RGL2: variants seen among roughly 807,000 people sequenced by gnomAD.
The protein encoded by RGL2 is ral guanine nucleotide dissociation stimulator-like 2.
In RGL2, 40 loss-of-function variants were observed where a neutral mutation model predicts 84.6. That is an observed-to-expected ratio of 0.47 (90% CI 0.37 to 0.62). The LOEUF is 0.62. Among genes scored for constraint, RGL2 ranks in the 20% least tolerant of loss-of-function variants. The pLI is 0.00. For missense variants in RGL2, 865 were observed against 1,019.7 expected (o/e 0.85, Z 2.07); for synonymous variants, 369 against 417.3 (o/e 0.88, Z 1.41).
In RGL2 at chr6:33,294,143, AAC is replaced by A; in HGVS notation, c.1354-79_1354-78del. ...CAGAGAGAGAATATCCCCTCTCTTA[AAC>A]ACACACAGCCACATCCAACTCACAA... On this transcript the variant is annotated intron_variant, in intron 11 of 17. Coordinates refer to ENST00000497454, the MANE Select transcript of RGL2 (RefSeq NM_004761.5). This position sits in a 1 kb window ranked among gnomAD's most constrained non-coding sequence, Gnocchi z 5.0. The A allele has an allele frequency of 6.6e-7, 1 of 1,524,922 alleles. No individual in the cohort carries two copies. The highest frequency in any genetic ancestry group is 1.4e-5 in the African/African-American group (1 of 72,970). 94.5% of individuals were successfully genotyped at this position (1,524,922 alleles called of 1,614,324 possible). A position where few individuals can be genotyped will look rare whatever the true frequency, so the allele number is the denominator to read the frequency against.
rs778343192 is a variant in RGL2, at chr6:33,296,469, G to A, written c.420-5C>T. On this transcript the variant is annotated splice_region_variant and splice_polypyrimidine_tract_variant and intron_variant, in intron 4 of 17. Coordinates refer to ENST00000497454, the MANE Select transcript of RGL2 (RefSeq NM_004761.5). The surrounding 1 kb of genome is among the most constrained non-coding windows in gnomAD (Gnocchi z 5.0). ...TGAGATTCAAGGGCTTCCAGCCTGA[G>A]GGGGAGAAGAGGATCTATCTGTCCA... is the stretch of plus-strand genomic sequence containing the variant. 2.5e-6 allele frequency: 4 copies of A among 1,605,634 alleles called. No individual in the cohort carries two copies. Among genetic ancestry groups the A allele is most frequent in the Admixed American group, 3.4e-5 (2 of 58,630 alleles).
rs1768266640 is a variant in RGL2, at chr6:33,298,702, G to T, written c.-41-51C>A. 1.2e-6 allele frequency: 1 copy of T among 846,614 alleles called. No homozygotes were observed. 52.4% of individuals were successfully genotyped at this position (846,614 alleles called of 1,614,324 possible). A position where few individuals can be genotyped will look rare whatever the true frequency, so the allele number is the denominator to read the frequency against. ...GGTGGAGAGTCAGGCAGGCGCGGGG[G>T]AACCGGGCAGGGAAGGGACGTGGGT... On this transcript the variant is annotated intron_variant, in intron 1 of 17. Transcript: ENST00000497454. The surrounding 1 kb of genome is among the most constrained non-coding windows in gnomAD (Gnocchi z 4.8).
rs753799037 is a variant in RGL2 at position 33,293,381 on chromosome 6, G to A, written c.1716+32C>T. On this transcript the variant is annotated intron_variant, in intron 15 of 17. Transcript: ENST00000497454. This position sits in a 1 kb window ranked among gnomAD's most constrained non-coding sequence, Gnocchi z 7.0. ...AGAAACATTTACAGAGTGAGGGTCAGCGTCAAGGTCAGAGTCAGGAGCAGA... is the reference window on the plus strand; with the variant it reads ...AGAAACATTTACAGAGTGAGGGTCAACGTCAAGGTCAGAGTCAGGAGCAGA... 6.2e-7 allele frequency: 1 copy of A among 1,603,938 alleles called. No individual in the cohort carries two copies. Among genetic ancestry groups the A allele is most frequent in the Non-Finnish European group, 8.5e-7 (1 of 1,175,958 alleles).
rs989579915 is a variant in RGL2 at position 33,297,067 on chromosome 6, C to G, written c.205G>C (p.Val69Leu). ...DEEEDGAVFT[V>L]TSRQYRPLDP... ...AGAGGTCGATATTGGCGGCTTGTGACGGTAAACACGGCACCATCCTCCTCC... is the reference window on the plus strand; with the variant it reads ...AGAGGTCGATATTGGCGGCTTGTGAGGGTAAACACGGCACCATCCTCCTCC... Residue 69 changes from valine to leucine, a missense_variant, in exon 3 of 18, where the codon GTC becomes CTC. By Grantham distance (32) the Val-to-Leu change is conservative. Coordinates refer to ENST00000497454, the MANE Select transcript of RGL2 (RefSeq NM_004761.5). This position sits in a 1 kb window ranked among gnomAD's most constrained non-coding sequence, Gnocchi z 4.0. The G allele has an allele frequency of 2.5e-6, 4 of 1,574,566 alleles. No homozygotes were observed. In the African/African-American group the frequency reaches 5.4e-5, roughly 21 times the overall value.
Position 33,296,214 on chromosome 6 carries a change from A to C in RGL2, c.582T>G (p.Tyr194Ter). Residue 194 changes from tyrosine to a stop codon, truncating the protein, a stop_gained, in exon 6 of 18, where the codon TAT becomes TAG. Transcript: ENST00000497454. LOFTEE classifies it high-confidence loss of function. The surrounding 1 kb of genome is among the most constrained non-coding windows in gnomAD (Gnocchi z 5.0). ...CCCCCCCAACACCCTTCCCTGCTGC[A>C]TACCCTGTCTGAAGTAAGAAGCTCT... is the stretch of plus-strand genomic sequence containing the variant. ...RLESFLLQTG[Y>*]AAGKGVGGGS... 6.2e-7 allele frequency: 1 copy of C among 1,613,952 alleles called. No individual in the cohort carries two copies. The highest frequency in any genetic ancestry group is 1.3e-5 in the African/African-American group (1 of 75,048).
In RGL2 at chr6:33,296,842, A is replaced by G. The variant is rs1036971665; in HGVS notation, c.241-66T>C. The G allele has an allele frequency of 1.9e-6, 3 of 1,596,150 alleles. No homozygotes were observed. The highest frequency in any genetic ancestry group is 2.2e-5 in the East Asian group (1 of 44,800). On this transcript the variant is annotated intron_variant, in intron 3 of 17. Transcript: ENST00000497454. The surrounding 1 kb of genome is among the most constrained non-coding windows in gnomAD (Gnocchi z 5.0). ...CTCTGCACCTAGATTTCTGAGGACA[A>G]TCCCAGACCCAGGAGATGTTCCAGA...
chr6:33,296,424 T>C lies in RGL2; in HGVS notation c.460A>G (p.Arg154Gly). ...LESHPTDELE[R>G]TTEVAISVLS... is the part of the protein sequence containing the mutation. Reference sequence around the variant, plus strand: ...CCAGGGGTCACTCACTCTGTTGTCCTCTCTAGTTCGTCGGTAGGATGAGAT... The same window carrying C: ...CCAGGGGTCACTCACTCTGTTGTCCCCTCTAGTTCGTCGGTAGGATGAGAT... The change falls in exon 5 of 18, where the codon AGG (arginine) becomes GGG (glycine). Residue 154 changes from arginine (R) to glycine (G), a missense_variant. Physicochemically the swap from Arg to Gly is moderately radical, Grantham distance 125 (BLOSUM62 -2). This residue lies in a region of RGL2 where 455 missense variants were observed against 507.8 expected (regional missense o/e 0.90). Transcript: ENST00000497454. This position sits in a 1 kb window ranked among gnomAD's most constrained non-coding sequence, Gnocchi z 5.0. 6.2e-7 allele frequency: 1 copy of C among 1,611,344 alleles called. No individual in the cohort carries two copies. Among genetic ancestry groups the C allele is most frequent in the Non-Finnish European group, 8.5e-7 (1 of 1,178,528 alleles).
Position 33,295,087 on chromosome 6 carries a change from G to C in RGL2, c.1209+40C>G. ...AAAAGAGACATGGGGGAGCAGTAGG[G>C]AACAAGGAGAGGTGGGAATGCCACA... On this transcript the variant is annotated intron_variant, in intron 9 of 17. Transcript: ENST00000497454. This position sits in a 1 kb window ranked among gnomAD's most constrained non-coding sequence, Gnocchi z 7.2. 6.3e-7 allele frequency: 1 copy of C among 1,595,290 alleles called. No individual in the cohort carries two copies. The highest frequency in any genetic ancestry group is 1.1e-5 in the South Asian group (1 of 88,250).
chr6:33,292,873 TTAAAAA>T (rs1448630026), intron 16 of RGL2, 137 bp downstream of exon 16: 5 of 1,053,760 alleles, frequency 4.7e-6, no homozygotes, highest in Admixed American at 4.7e-5. Context: ...GAAGATAAAA[TTAAAAA>T]TAAAACATAA....
chr6:33,298,670 G>T lies in RGL2; in HGVS notation c.-41-19C>A. 8.3e-7 allele frequency: 1 copy of T among 1,202,184 alleles called. No individual in the cohort carries two copies. Among genetic ancestry groups the T allele is most frequent in the Non-Finnish European group, 1.1e-6 (1 of 896,752 alleles). 74.5% of individuals were successfully genotyped at this position (1,202,184 alleles called of 1,614,324 possible). A position where few individuals can be genotyped will look rare whatever the true frequency, so the allele number is the denominator to read the frequency against. On this transcript the variant is annotated intron_variant, in intron 1 of 17. Coordinates refer to ENST00000497454, the MANE Select transcript of RGL2 (RefSeq NM_004761.5). This position sits in a 1 kb window ranked among gnomAD's most constrained non-coding sequence, Gnocchi z 4.8. Reference sequence around the variant, plus strand: ...GGGGCGCCTGGGGAGAGACGGGGTGGGGTGGGGGTGGAGAGTCAGGCAGGC... The same window carrying T: ...GGGGCGCCTGGGGAGAGACGGGGTGTGGTGGGGGTGGAGAGTCAGGCAGGC...
chr6:33,296,332 G>A lies in RGL2; in HGVS notation c.471-7C>T. The stretch of plus-strand genomic sequence containing the variant: ...CAGTACAGAGATGGCTACCCTGGGA[G>A]AAGGGAATCAGCCAAGGGTGAGAGG... On this transcript the variant is annotated splice_polypyrimidine_tract_variant and splice_region_variant and intron_variant, in intron 5 of 17. Coordinates refer to ENST00000497454, the MANE Select transcript of RGL2 (RefSeq NM_004761.5). The surrounding 1 kb of genome is among the most constrained non-coding windows in gnomAD (Gnocchi z 5.0). 2 of 1,609,058 alleles carry A rather than the reference G, an allele frequency of 1.2e-6. No homozygotes were observed. The highest frequency in any genetic ancestry group is 1.7e-6 in the Non-Finnish European group (2 of 1,177,044).
Position 33,292,523 on chromosome 6 carries a change from G to A in RGL2, c.2029C>T (p.Pro677Ser). 1 of 1,614,090 alleles carries A rather than the reference G, an allele frequency of 6.2e-7. No individual in the cohort carries two copies. The highest frequency in any genetic ancestry group is 8.5e-7 in the Non-Finnish European group (1 of 1,179,978). ...TTAAGGACACGACTGATGACACTTG[G>A]AGCCTTGTCCTGGCTTGTCACCTGG... The part of the protein sequence containing the change: ...SILVTSQDKA[P>S]SVISRVLKKN... The change falls in exon 17 of 18, where the codon CCA (proline) becomes TCA (serine). Residue 677 changes from proline (P) to serine (S), a missense_variant. Pro to Ser is a moderately conservative substitution (Grantham distance 74). Around this residue, in one of 5 missense-constraint regions of RGL2, gnomAD observed 302 missense variants for 327.9 expected, o/e 0.92. Coordinates refer to ENST00000497454, the MANE Select transcript of RGL2 (RefSeq NM_004761.5).
Position 33,294,854 on chromosome 6 carries a change from A to C in RGL2, c.1279-92T>G. On this transcript the variant is annotated intron_variant, in intron 10 of 17. Transcript: ENST00000497454. The surrounding 1 kb of genome is among the most constrained non-coding windows in gnomAD (Gnocchi z 5.0). ...TGCCCTCCTCATTGCCTCAGAGAAC[A>C]GATTTCATTCTCCTCACCCCTCTGT... is the stretch of plus-strand genomic sequence containing the variant. 6.6e-7 allele frequency: 1 copy of C among 1,507,820 alleles called. No individual in the cohort carries two copies. The highest frequency in any genetic ancestry group is 1.4e-5 in the African/African-American group (1 of 72,730). The allele number at this position is 1,507,820 out of a possible 1,614,324, so 93.4% of individuals were successfully genotyped here. A position where few individuals can be genotyped will look rare whatever the true frequency, so the allele number is the denominator to read the frequency against.
Position 33,292,444 on chromosome 6 carries a change from A to G in RGL2, c.2108T>C (p.Leu703Pro). The change falls in exon 17 of 18, where the codon CTA becomes CCA. Residue 703 changes from leucine to proline, a missense_variant. Coordinates refer to ENST00000497454, the MANE Select transcript of RGL2 (RefSeq NM_004761.5). Reference protein sequence around the residue: ...VASEYELVQLLPGERELTIPA... With the variant: ...VASEYELVQLPPGERELTIPA... The stretch of plus-strand genomic sequence containing the variant: ...TGGCCTCTGACCTCGCTCCCCTGGT[A>G]GCAGCTGTACCAGCTCATACTCTGA... 1.2e-6 allele frequency: 2 copies of G among 1,614,134 alleles called. No individual in the cohort carries two copies. Among genetic ancestry groups the G allele is most frequent in the Non-Finnish European group, 1.7e-6 (2 of 1,179,992 alleles).
Position 33,296,464 on chromosome 6 carries a change from C to G in RGL2, c.420G>C (p.Arg140Ser). 1 of 1,606,886 alleles carries G rather than the reference C, an allele frequency of 6.2e-7. No individual in the cohort carries two copies. The highest frequency in any genetic ancestry group is 8.5e-7 in the Non-Finnish European group (1 of 1,176,544). Residue 140 changes from arginine to serine, a missense_variant and splice_region_variant, in exon 5 of 18, where the codon AGG (arginine) becomes AGC (serine). Around this residue, in one of 5 missense-constraint regions of RGL2, gnomAD observed 455 missense variants for 507.8 expected, o/e 0.90. Coordinates refer to ENST00000497454, the MANE Select transcript of RGL2 (RefSeq NM_004761.5). The surrounding 1 kb of genome is among the most constrained non-coding windows in gnomAD (Gnocchi z 5.0). Reference sequence around the variant, plus strand: ...TAGGATGAGATTCAAGGGCTTCCAGCCTGAGGGGGAGAAGAGGATCTATCT... The same window carrying G: ...TAGGATGAGATTCAAGGGCTTCCAGGCTGAGGGGGAGAAGAGGATCTATCT... Reference protein sequence around the residue: ...TPALLGLMADRLEALESHPTD... With the variant: ...TPALLGLMADSLEALESHPTD...
rs756648149 is a variant in RGL2, at chr6:33,295,272, G to A, written c.1124+47C>T. The A allele has an allele frequency of 9.0e-6, 14 of 1,561,022 alleles. No homozygotes were observed. The highest frequency in any genetic ancestry group is 2.3e-5 in the South Asian group (2 of 85,468). On this transcript the variant is annotated intron_variant, in intron 8 of 17. Transcript: ENST00000497454. The surrounding 1 kb of genome is among the most constrained non-coding windows in gnomAD (Gnocchi z 7.2). ...CTGGCTCTGTCACCCCCTCTTCCCC[G>A]CCTTCTGAGGAACCCCCACCCCAGT...
In RGL2 at chr6:33,298,673, T is replaced by TGGGGGGGGGGG; in HGVS notation, c.-41-23_-41-22insCCCCCCCCCCC. On this transcript the variant is annotated intron_variant, in intron 1 of 17. Transcript: ENST00000497454. This position sits in a 1 kb window ranked among gnomAD's most constrained non-coding sequence, Gnocchi z 4.8. ...GCGCCTGGGGAGAGACGGGGTGGGG[T>TGGGGGGGGGGG]GGGGGTGGAGAGTCAGGCAGGCGCG... 5.0e-6 allele frequency: 2 copies of TGGGGGGGGGGG among 399,644 alleles called. No homozygotes were observed. The highest frequency in any genetic ancestry group is 8.0e-6 in the Non-Finnish European group (2 of 251,252). The allele number at this position is 399,644 out of a possible 1,614,324, so 24.8% of individuals were successfully genotyped here.
chr6:33,296,801 C>T lies in RGL2; in HGVS notation c.241-25G>A. 1 of 1,613,662 alleles carries T rather than the reference C, an allele frequency of 6.2e-7. No homozygotes were observed. Among genetic ancestry groups the T allele is most frequent in the Non-Finnish European group, 8.5e-7 (1 of 1,179,776 alleles). The stretch of plus-strand genomic sequence containing the variant: ...CCTGGAGAACACAGAGAGATGATCG[C>T]TAACCCTTTCTCCCACTCTGCACCT... On this transcript the variant is annotated intron_variant, in intron 3 of 17. Transcript: ENST00000497454. This position sits in a 1 kb window ranked among gnomAD's most constrained non-coding sequence, Gnocchi z 5.0.
rs1019426190 is a variant in RGL2 at position 33,297,802 on chromosome 6, G to A, written c.156+653C>T. The A allele has an allele frequency of 1.3e-5, 2 of 152,346 alleles. No homozygotes were observed. Among genetic ancestry groups the A allele is most frequent in the Non-Finnish European group, 2.9e-5 (2 of 68,176 alleles). 9.4% of individuals were successfully genotyped at this position (152,346 alleles called of 1,614,324 possible). A position where few individuals can be genotyped will look rare whatever the true frequency, so the allele number is the denominator to read the frequency against. ...TGCCAGTCAACCTGCCCTCACCTAG[G>A]ATCTGGACCTAGGAGTTTAGGGCCT... On this transcript the variant is annotated intron_variant, in intron 2 of 17. Transcript: ENST00000497454. This position sits in a 1 kb window ranked among gnomAD's most constrained non-coding sequence, Gnocchi z 4.0.
Sources: allele counts gnomAD v4.1 joint callset, GRCh38; gene constraint gnomAD v4.1.1; regional missense constraint gnomAD v4.1.1; non-coding constraint Gnocchi (gnomAD v3.1); transcripts MANE v1.5; gene names NCBI Gene and HGNC (gene_info 2026-07-23, HGNC 2026-07-21).